The following WLS variants were observed in gnomAD, a reference collection of about 807,000 sequenced individuals.
WLS encodes the protein protein wntless homolog.
A neutral mutation model predicts 62.8 loss-of-function variants in WLS; 23 were observed. That is an observed-to-expected ratio of 0.37 (90% CI 0.26 to 0.52). WLS has a LOEUF of 0.52. Among genes scored for constraint, WLS ranks in the 20% least tolerant of loss-of-function variants. The pLI is 0.92. For missense variants in WLS, 615 were observed against 697.3 expected, an observed-to-expected ratio of 0.88 and a Z score of 1.33; for synonymous variants, 246 against 244.1, an observed-to-expected ratio of 1.01 and a Z score of -0.07.
intron 2 of WLS, among the ~76,000 whole-genome samples, chr1:68,165,786 A>C (rs1647051694): frequency 6.6e-6 from 1 of 152,228 alleles, no homozygotes. Context: ...CATCCTGTTC[A>C]TTATGCAAGT....
At chr1:68,173,929 C>A (rs1361482726) in intron 2 of WLS, among the ~76,000 whole-genome samples, 2 of 152,098 alleles carry the variant, frequency 1.3e-5, no homozygotes, top group Admixed American at 6.5e-5. Flanking sequence ...CTCTGCCTAG[C>A]CTGGGGCATT....
At chr1:68,223,225 A>C (rs1237288404) in intron 1 of WLS, among the ~76,000 whole-genome samples, 1 of 152,236 alleles carries the variant, frequency 6.6e-6, no homozygotes, top group Non-Finnish European at 1.5e-5. Context: ...TAAAATGTGC[A>C]TGCTTTAGGA....
At chr1:68,102,390 C>G (rs269346) in intron 11 of WLS, among the ~76,000 whole-genome samples, 37,401 of 151,832 alleles carry the variant, frequency 0.25, 7,551 homozygotes, top group African/African-American at 0.56. Context: ...TGGGGAGAAC[C>G]GTTGAATCGT....
At chr1:68,181,393 T>C (rs1039238264) in intron 2 of WLS, among the ~76,000 whole-genome samples, 2 of 152,212 alleles carry the variant, frequency 1.3e-5, no homozygotes, top group African/African-American at 4.8e-5. Flanking sequence ...AATATCCTCA[T>C]TTATATTCTA....
At chr1:68,163,031 A>G in intron 2 of WLS, 5 of 1,587,314 alleles carry the variant, frequency 3.1e-6, no homozygotes, top group South Asian at 2.2e-5. Context: ...GGGGGCGGAT[A>G]CCTTCACAAA....
chr1:68,160,217 A>G (rs1646954581), intron 2 of WLS, among the ~76,000 whole-genome samples: 1 of 152,228 alleles, frequency 6.6e-6, no homozygotes, highest in Admixed American at 6.5e-5. Flanking sequence ...TTGGCAAAAC[A>G]GTTTCAAGGT....
chr1:68,189,132 G>A (rs1422890499), intron 2 of WLS, among the ~76,000 whole-genome samples: 2 of 152,092 alleles, frequency 1.3e-5, no homozygotes, highest in African/African-American at 4.8e-5. Context: ...GCATCTCCCT[G>A]CTCCTGCCTG....
chr1:68,166,594 C>A (rs1448243169), intron 2 of WLS, among the ~76,000 whole-genome samples: 2 of 152,196 alleles, frequency 1.3e-5, no homozygotes, highest in East Asian at 3.8e-4. Flanking sequence ...ATCAAGCATA[C>A]TTGGTCAAAG....
intron 1 of WLS, among the ~76,000 whole-genome samples, chr1:68,214,248 A>T (rs1170734661): frequency 6.6e-6 from 1 of 151,986 alleles, no homozygotes; most frequent in Non-Finnish European, 1.5e-5. Flanking sequence ...GGAGCTGCCT[A>T]ACAGAGGTTG....
chr1:68,141,248 T>TCA (rs1263025251), intron 10 of WLS, among the ~76,000 whole-genome samples: 2 of 151,978 alleles, frequency 1.3e-5, no homozygotes, highest in African/African-American at 4.8e-5. Context: ...AATGAAGTGA[T>TCA]CACACACACA....
At chr1:68,133,026 G>T (rs1049732183) in intron 11 of WLS, among the ~76,000 whole-genome samples, 2 of 147,474 alleles carry the variant, frequency 1.4e-5, no homozygotes, top group African/African-American at 2.5e-5. Context: ...CAGGTAAAAA[G>T]AACAACTGTC....
At chr1:68,219,071 G>A (rs1180485765) in intron 1 of WLS, among the ~76,000 whole-genome samples, 5 of 152,100 alleles carry the variant, frequency 3.3e-5, no homozygotes. Context: ...ACTTCTTAAA[G>A]ACAGTAAATC....
chr1:68,209,094 C>T (rs918715794), intron 1 of WLS, among the ~76,000 whole-genome samples: 1 of 152,076 alleles, frequency 6.6e-6, no homozygotes, highest in Non-Finnish European at 1.5e-5. Context: ...TCCTTGGCTT[C>T]TACCCACTAG....
chr1:68,188,238 AGTGGG>A (rs1391152288), intron 2 of WLS, among the ~76,000 whole-genome samples: 1 of 152,264 alleles, frequency 6.6e-6, no homozygotes, highest in African/African-American at 2.4e-5. Context: ...ATATAGGAGC[AGTGGG>A]GACCAGACTT....
At chr1:68,155,472 C>A (rs140588400) in intron 3 of WLS, among the ~76,000 whole-genome samples, 3 of 152,192 alleles carry the variant, frequency 2.0e-5, no homozygotes, top group Non-Finnish European at 4.4e-5. Context: ...CAACAAAAAA[C>A]AGCTGTATTC....
At chr1:68,173,411 C>CT (rs1647183755) in intron 2 of WLS, among the ~76,000 whole-genome samples, 5 of 149,980 alleles carry the variant, frequency 3.3e-5, no homozygotes, top group East Asian at 2.0e-4. Context: ...CCTGCGTGCC[C>CT]CTCTCTCTCT....
At chr1:68,131,270 T>C (rs527831076) in intron 11 of WLS, among the ~76,000 whole-genome samples, 8 of 151,690 alleles carry the variant, frequency 5.3e-5, no homozygotes, top group Non-Finnish European at 1.0e-4. Context: ...TAGTAAGTGC[T>C]CAAAACACCC....
chr1:68,206,641 A>G (rs1649293638), intron 1 of WLS, among the ~76,000 whole-genome samples: 2 of 152,244 alleles, frequency 1.3e-5, no homozygotes, highest in Admixed American at 6.5e-5. Context: ...AAATTTGAGC[A>G]TAAGAATCTT....
At chr1:68,107,671 T>C (rs1423757974) in intron 11 of WLS, among the ~76,000 whole-genome samples, 4 of 152,238 alleles carry the variant, frequency 2.6e-5, no homozygotes, top group African/African-American at 9.6e-5. Flanking sequence ...GAATCTCTCA[T>C]ATGCCAGGCA....
Sources: allele counts gnomAD v4.1 joint callset (sites outside exome capture counted in the v4.1 genomes callset), GRCh38; gene constraint gnomAD v4.1.1; transcripts MANE v1.5; gene names NCBI Gene and HGNC (gene_info 2026-07-23, HGNC 2026-07-21).